The following USP49 variants were observed in gnomAD, a reference collection of about 807,000 sequenced individuals.
USP49 encodes the protein ubiquitin carboxyl-terminal hydrolase 49.
A neutral mutation model predicts 58.6 loss-of-function variants in USP49; 24 were observed. That is an observed-to-expected ratio of 0.41 (90% CI 0.30 to 0.58). The LOEUF (loss-of-function observed/expected upper bound fraction) is 0.58, where lower values mean the gene tolerates loss of function less well. Among genes scored for constraint, USP49 ranks in the 20% least tolerant of loss-of-function variants. USP49 has a pLI of 0.30. For missense variants in USP49, 703 were observed against 866.1 expected (o/e 0.81, Z 2.36); for synonymous variants, 408 against 365.1 (o/e 1.12, Z -1.34).
intron 2 of USP49, among the ~76,000 whole-genome samples, chr6:41,888,579 G>A (rs947578871): frequency 3.9e-5 from 6 of 151,902 alleles, no homozygotes; most frequent in Admixed American, 1.3e-4. Flanking sequence ...TCAGCCTCCC[G>A]AGTAGCTGGG....
At chr6:41,802,412 A>AATT in intron 5 of USP49, among the ~76,000 whole-genome samples, 1 of 88,654 alleles carries the variant, frequency 1.1e-5, no homozygotes, top group East Asian at 3.0e-4. Context: ...TTTATTTTTT[A>AATT]TTTTATTTTA....
At position 41,885,810 on chromosome 6, in the gene USP49, G is replaced by C. The variant is rs537554408; in HGVS notation, c.-103+5984C>G. Among the ~76,000 whole-genome samples, 11 of 152,134 alleles carry C rather than the reference G, an allele frequency of 7.2e-5. 1 individual carries two copies. In the South Asian group the frequency reaches 2.3e-3, roughly 32 times the overall value. On this transcript the variant is annotated intron_variant, in intron 2 of 7. Transcript: ENST00000682992. ...GACTCTGTCTCAGGAAAAAAAAAGA[G>C]AGAGTCTCCCACCTTGGCCTCCCAA... is the stretch of plus-strand genomic sequence containing the variant.
intron 3 of USP49, among the ~76,000 whole-genome samples, chr6:41,846,062 T>C (rs1311848628): frequency 1.3e-5 from 2 of 152,302 alleles, no homozygotes; most frequent in East Asian, 3.9e-4. Context: ...ACACCTGTAA[T>C]CCCAGCACTT....
chr6:41,841,222 G>C (rs1389066809), intron 3 of USP49, among the ~76,000 whole-genome samples: 1 of 151,822 alleles, frequency 6.6e-6, no homozygotes, highest in African/African-American at 2.4e-5. Flanking sequence ...AGGGTCTCTT[G>C]TACTTCCCTT....
chr6:41,866,244 G>A (rs183900447), intron 3 of USP49, among the ~76,000 whole-genome samples: 53 of 151,816 alleles, frequency 3.5e-4, no homozygotes, highest in Non-Finnish European at 6.0e-4. Flanking sequence ...TTTAATAATC[G>A]AAATTGGCAA....
At chr6:41,820,817 T>C (rs1480058647) in intron 3 of USP49, among the ~76,000 whole-genome samples, 5 of 152,046 alleles carry the variant, frequency 3.3e-5, no homozygotes, top group Non-Finnish European at 5.9e-5. Context: ...CTGGACAATA[T>C]GGTGAGACCC....
At chr6:41,870,688 A>ATTTTTTTTTTT (rs70987539) in intron 3 of USP49, among the ~76,000 whole-genome samples, 3 of 116,024 alleles carry the variant, frequency 2.6e-5, no homozygotes, top group Admixed American at 1.0e-4. Flanking sequence ...CACCTGGCTA[A>ATTTTTTTTTTT]TTTTTTTTTT....
chr6:41,812,561 C>T (rs1189709981), intron 3 of USP49, among the ~76,000 whole-genome samples: 4 of 151,738 alleles, frequency 2.6e-5, no homozygotes, highest in Non-Finnish European at 4.4e-5. Flanking sequence ...GGCGTGGTGG[C>T]GGGCGCCTGT....
At chr6:41,857,588 G>A (rs1774152868) in intron 3 of USP49, among the ~76,000 whole-genome samples, 1 of 152,214 alleles carries the variant, frequency 6.6e-6, no homozygotes, top group South Asian at 2.1e-4. Context: ...GGAGGTTGCA[G>A]CCACTGCACT....
chr6:41,844,135 C>G (rs1048047063), intron 3 of USP49, among the ~76,000 whole-genome samples: 1 of 151,140 alleles, frequency 6.6e-6, no homozygotes, highest in Non-Finnish European at 1.5e-5. Context: ...GCACAAGAAC[C>G]GCTTAAACTC....
intron 5 of USP49, among the ~76,000 whole-genome samples, chr6:41,800,910 A>C (rs1276108964): frequency 6.6e-6 from 1 of 152,238 alleles, no homozygotes; most frequent in African/African-American, 2.4e-5. Context: ...ACATTGCTGG[A>C]CATGCAAGGA....
intron 2 of USP49, among the ~76,000 whole-genome samples, chr6:41,879,610 G>A (rs1409695636): frequency 7.2e-5 from 11 of 152,164 alleles, no homozygotes; most frequent in African/African-American, 2.2e-4. Context: ...GAGGATGGGA[G>A]GTTTGTTCTC....
At chr6:41,884,676 CATTA>C (rs756638628) in intron 2 of USP49, among the ~76,000 whole-genome samples, 8 of 152,130 alleles carry the variant, frequency 5.3e-5, no homozygotes, top group Non-Finnish European at 1.2e-4. Flanking sequence ...TTCATGCATA[CATTA>C]ATTTATTCCA....
intron 3 of USP49, among the ~76,000 whole-genome samples, chr6:41,817,337 T>G (rs1773373296): frequency 1.3e-5 from 2 of 149,956 alleles, no homozygotes; most frequent in Admixed American, 1.3e-4. Flanking sequence ...GAGTAGTGAC[T>G]GGGTTTCACC....
chr6:41,866,790 G>A (rs1357667388), intron 3 of USP49, among the ~76,000 whole-genome samples: 2 of 152,190 alleles, frequency 1.3e-5, no homozygotes, highest in Non-Finnish European at 2.9e-5. Context: ...ACACTCGTAA[G>A]AGAACGAGGG....
chr6:41,841,841 GA>G (rs1773833109), intron 3 of USP49, among the ~76,000 whole-genome samples: 1 of 152,174 alleles, frequency 6.6e-6, no homozygotes, highest in African/African-American at 2.4e-5. Flanking sequence ...TGGATTACCT[GA>G]GGTCAGGAGT....
chr6:41,890,955 G>T (rs549196713), intron 2 of USP49, among the ~76,000 whole-genome samples: 1 of 152,222 alleles, frequency 6.6e-6, no homozygotes, highest in African/African-American at 2.4e-5. Flanking sequence ...ACTGGTTTGG[G>T]TTTGTTTTGT....
chr6:41,832,172 T>A (rs78504724), intron 3 of USP49, among the ~76,000 whole-genome samples: 1 of 152,192 alleles, frequency 6.6e-6, no homozygotes, highest in Non-Finnish European at 1.5e-5. Context: ...AACTAAGAAC[T>A]TGACCCCAAA....
At chr6:41,844,785 G>A (rs77574517) in intron 3 of USP49, among the ~76,000 whole-genome samples, 2,557 of 152,126 alleles carry the variant, frequency 0.017, 56 homozygotes, top group African/African-American at 0.051. Flanking sequence ...GCTCATAACC[G>A]CTGTATCTGT....
Sources: allele counts gnomAD v4.1 joint callset (sites outside exome capture counted in the v4.1 genomes callset), GRCh38; gene constraint gnomAD v4.1.1; transcripts MANE v1.5; gene names NCBI Gene and HGNC (gene_info 2026-07-23, HGNC 2026-07-21).